ROBO1: variants seen among roughly 807,000 people sequenced by gnomAD.
ROBO1 encodes roundabout homolog 1.
In ROBO1, 149 loss-of-function variants were observed where a neutral mutation model predicts 195.9. The ratio of observed to expected loss-of-function variants is 0.76; its 90% CI spans 0.67 to 0.87. The LOEUF (loss-of-function observed/expected upper bound fraction) is 0.87, where lower values mean the gene tolerates loss of function less well. Ranked by LOEUF, ROBO1 falls within the 40% of genes least tolerant of loss-of-function variation. The pLI is 0.00. For synonymous variants in ROBO1, 816 were observed against 733.2 expected, an observed-to-expected ratio of 1.11 and a Z score of -1.82; for missense variants, 1,933 against 2,068.3, an observed-to-expected ratio of 0.93 and a Z score of 1.27.
At chr3:78,841,061 CAAA>C (rs35964780) in intron 4 of ROBO1, among the ~76,000 whole-genome samples, 1 of 118,788 alleles carries the variant, frequency 8.4e-6, no homozygotes, top group Admixed American at 8.6e-5. Flanking sequence ...GACTGTGTCT[CAAA>C]AAAAAAAAAA....
intron 3 of ROBO1, among the ~76,000 whole-genome samples, chr3:79,093,484 G>C (rs903613787): frequency 2.6e-5 from 4 of 152,000 alleles, no homozygotes; most frequent in Admixed American, 6.6e-5. Context: ...AAATATTATA[G>C]CATTGACAGT....
At chr3:79,639,595 C>A (rs1045210837) in intron 1 of ROBO1, among the ~76,000 whole-genome samples, 5 of 152,092 alleles carry the variant, frequency 3.3e-5, no homozygotes, top group African/African-American at 1.2e-4. Flanking sequence ...AAGAATGCTG[C>A]AAGAGCACTA....
chr3:78,972,831 T>C (rs1448471215), intron 3 of ROBO1, among the ~76,000 whole-genome samples: 1 of 152,178 alleles, frequency 6.6e-6, no homozygotes, highest in South Asian at 2.1e-4. Flanking sequence ...GGTACCAGAA[T>C]ACACAGATGA....
intron 1 of ROBO1, among the ~76,000 whole-genome samples, chr3:79,626,280 C>T (rs1200351810): frequency 2.0e-5 from 3 of 151,862 alleles, no homozygotes; most frequent in Non-Finnish European, 4.4e-5. Context: ...CCCTGTCTGT[C>T]CTAAAAATAC....
chr3:79,738,835 C>T (rs1215962098), intron 1 of ROBO1, among the ~76,000 whole-genome samples: 1 of 152,028 alleles, frequency 6.6e-6, no homozygotes, highest in South Asian at 2.1e-4. Context: ...AATTGTTTCC[C>T]GTGCACGAGT....
intron 2 of ROBO1, among the ~76,000 whole-genome samples, chr3:79,500,250 C>T (rs569061269): frequency 2.8e-4 from 42 of 149,452 alleles, no homozygotes; most frequent in Admixed American, 1.2e-3. Context: ...CTGTCTCAGT[C>T]TCCGGAATAG....
chr3:78,868,920 ATGTC>A (rs2035359326), intron 4 of ROBO1, among the ~76,000 whole-genome samples: 1 of 152,086 alleles, frequency 6.6e-6, no homozygotes, highest in Non-Finnish European at 1.5e-5. Context: ...AGAACAACTT[ATGTC>A]TGTATTATAA....
chr3:79,736,305 G>A (rs1307491397), intron 1 of ROBO1, among the ~76,000 whole-genome samples: 1 of 152,214 alleles, frequency 6.6e-6, no homozygotes, highest in Non-Finnish European at 1.5e-5. Context: ...AATGAAGGTT[G>A]AAGGTTTAGG....
intron 2 of ROBO1, among the ~76,000 whole-genome samples, chr3:79,548,252 A>C (rs1390315961): frequency 6.6e-6 from 1 of 152,186 alleles, no homozygotes; most frequent in Non-Finnish European, 1.5e-5. Flanking sequence ...AGTGAAAGTC[A>C]ATCACCAGGT....
chr3:79,207,698 G>A (rs2081894820), intron 2 of ROBO1, among the ~76,000 whole-genome samples: 1 of 150,662 alleles, frequency 6.6e-6, no homozygotes, highest in African/African-American at 2.4e-5. Flanking sequence ...TAACAACCAG[G>A]AAATCCCTGT....
At chr3:79,207,558 T>C (rs972696873) in intron 2 of ROBO1, among the ~76,000 whole-genome samples, 1 of 152,156 alleles carries the variant, frequency 6.6e-6, no homozygotes, top group Admixed American at 6.5e-5. Flanking sequence ...AGTGTAATAA[T>C]AGTGAGAGCT....
intron 2 of ROBO1, among the ~76,000 whole-genome samples, chr3:79,305,862 A>G (rs964928365): frequency 6.6e-6 from 1 of 152,216 alleles, no homozygotes; most frequent in Non-Finnish European, 1.5e-5. Context: ...AAACAGAAAT[A>G]ATTTCCTTTA....
intron 3 of ROBO1, among the ~76,000 whole-genome samples, chr3:78,957,865 T>C (rs144869426): frequency 6.6e-6 from 1 of 152,214 alleles, no homozygotes; most frequent in African/African-American, 2.4e-5. Flanking sequence ...CATTTGATTA[T>C]TTTTAAGCAT....
intron 2 of ROBO1, among the ~76,000 whole-genome samples, chr3:79,365,313 C>T (rs2035928167): frequency 6.6e-6 from 1 of 152,154 alleles, no homozygotes; most frequent in Non-Finnish European, 1.5e-5. Flanking sequence ...GGCCTTTCCA[C>T]CTGCACATCC....
At chr3:79,018,733 C>A (rs2078021449) in intron 3 of ROBO1, 1 of 1,228,482 alleles carries the variant, frequency 8.1e-7, no homozygotes, top group Non-Finnish European at 1.0e-6. Context: ...CCATCCAAAG[C>A]GAACAACAAA....
At chr3:79,377,320 A>C (rs955051011) in intron 2 of ROBO1, among the ~76,000 whole-genome samples, 1 of 152,236 alleles carries the variant, frequency 6.6e-6, no homozygotes, top group African/African-American at 2.4e-5. Flanking sequence ...TAAAAATTTA[A>C]CAGCTTTTCT....
chr3:79,241,721 TATAA>T (rs1302301034), intron 2 of ROBO1, among the ~76,000 whole-genome samples: 9 of 149,870 alleles, frequency 6.0e-5, no homozygotes, highest in African/African-American at 1.7e-4. Context: ...TTTATATAAA[TATAA>T]ATAATTTATG....
chr3:79,636,320 T>G (rs1945494665), intron 1 of ROBO1, among the ~76,000 whole-genome samples: 1 of 152,136 alleles, frequency 6.6e-6, no homozygotes, highest in African/African-American at 2.4e-5. Context: ...AGTGTATATA[T>G]ACTAGAGAAA....
At chr3:79,673,980 A>C (rs1560089431) in intron 1 of ROBO1, among the ~76,000 whole-genome samples, 1 of 152,004 alleles carries the variant, frequency 6.6e-6, no homozygotes, top group Non-Finnish European at 1.5e-5. Flanking sequence ...TATCTTCACA[A>C]AGAATTAGTA....
Sources: gnomAD v4.1 joint callset for allele counts (sites outside exome capture counted in the v4.1 genomes callset) on GRCh38, gnomAD v4.1.1 for gene constraint, MANE v1.5 for transcripts, NCBI Gene and HGNC (gene_info 2026-07-23, HGNC 2026-07-21) for gene names.